Variants in PTPRM observed in about 807,000 individuals in gnomAD.
The protein encoded by PTPRM is receptor-type tyrosine-protein phosphatase mu.
A neutral mutation model predicts 186.7 loss-of-function variants in PTPRM; 47 were observed. That is an observed-to-expected ratio of 0.25 (90% CI 0.20 to 0.32). The LOEUF (loss-of-function observed/expected upper bound fraction) is 0.32. Ranked by LOEUF, PTPRM falls within the 10% of genes least tolerant of loss-of-function variation. The pLI, the probability that PTPRM is intolerant of heterozygous loss-of-function variation, is 1.00. For missense variants in PTPRM, 1,494 were observed against 1,865.0 expected (o/e 0.80, Z 3.66); for synonymous variants, 668 against 674.9 (o/e 0.99, Z 0.16).
chr18:7,974,135 A>T (rs2054772624), intron 7 of PTPRM, among the ~76,000 whole-genome samples: 1 of 152,188 alleles, frequency 6.6e-6, no homozygotes, highest in Non-Finnish European at 1.5e-5. Context: ...CAGGGAAACC[A>T]GCTAAAAAGG....
rs191409252 is a variant in PTPRM, at chr18:7,737,143, T to A, written c.74-37006T>A. On this transcript the variant is annotated intron_variant, in intron 1 of 32. Coordinates refer to ENST00000580170, the MANE Select transcript of PTPRM (RefSeq NM_001105244.2). ...TTATTTTATTTTATTTTTTATTTTT[T>A]TGGAGACAGAGTCACACTCTGTCAT... 3.5e-3 allele frequency among the ~76,000 whole-genome samples: 536 copies of A among 151,624 alleles called. 2 individuals carry two copies. Among genetic ancestry groups the A allele is most frequent in the African/African-American group, 0.012 (497 of 41,328 alleles).
chr18:8,002,927 C>T (rs2083953250), intron 7 of PTPRM, among the ~76,000 whole-genome samples: 2 of 151,858 alleles, frequency 1.3e-5, no homozygotes, highest in Non-Finnish European at 2.9e-5. Context: ...TTTTTTAATT[C>T]CAAATGTTTC....
Position 8,303,138 on chromosome 18 carries a change from C to T in PTPRM, c.2842+6683C>T, listed in dbSNP as rs571849101. Reference sequence around the variant, plus strand: ...CAGCTAAAGGGGCTTTAATAATGGGCGGTCCTGAGACAGAACTGCTCAGCG... The same window carrying T: ...CAGCTAAAGGGGCTTTAATAATGGGTGGTCCTGAGACAGAACTGCTCAGCG... On this transcript the variant is annotated intron_variant, in intron 20 of 32. Transcript: ENST00000580170. 8.5e-4 allele frequency among the ~76,000 whole-genome samples: 129 copies of T among 151,918 alleles called. 1 individual carries two copies. The highest frequency in any genetic ancestry group is 2.9e-3 in the African/African-American group (119 of 41,416).
chr18:8,042,039 TAAAC>T (rs976042471), intron 7 of PTPRM, among the ~76,000 whole-genome samples: 7 of 152,232 alleles, frequency 4.6e-5, no homozygotes, highest in East Asian at 1.9e-4. Context: ...TATGTCATCT[TAAAC>T]AAGCAGCTAA....
At chr18:7,733,924 G>A (rs2040714274) in intron 1 of PTPRM, among the ~76,000 whole-genome samples, 1 of 152,168 alleles carries the variant, frequency 6.6e-6, no homozygotes, top group East Asian at 1.9e-4. Context: ...ACCCTTGTGG[G>A]GCAGGTTGGA....
chr18:7,792,502 C>T (rs16952542), intron 2 of PTPRM, among the ~76,000 whole-genome samples: 1,790 of 152,202 alleles, frequency 0.012, 41 homozygotes, highest in African/African-American at 0.041. Context: ...TTAACTTCCC[C>T]GGGCTCATAC....
intron 2 of PTPRM, among the ~76,000 whole-genome samples, chr18:7,792,172 A>G (rs532649415): frequency 2.6e-5 from 4 of 152,362 alleles, no homozygotes; most frequent in Non-Finnish European, 4.4e-5. Flanking sequence ...GAGCTTCTTA[A>G]TAAACCAAAA....
intron 23 of PTPRM, among the ~76,000 whole-genome samples, chr18:8,364,686 G>T (rs2095617641): frequency 1.3e-5 from 2 of 152,074 alleles, no homozygotes; most frequent in Admixed American, 1.3e-4. Context: ...TACTCGGTTT[G>T]GATATCTCTT....
chr18:8,315,715 T>A (rs950132661), intron 21 of PTPRM, among the ~76,000 whole-genome samples: 1 of 152,226 alleles, frequency 6.6e-6, no homozygotes, highest in South Asian at 2.1e-4. Context: ...TGCTTCTTGA[T>A]TGAATATTAC....
At chr18:8,261,651 T>A (rs148853804) in intron 19 of PTPRM, among the ~76,000 whole-genome samples, 8 of 152,326 alleles carry the variant, frequency 5.3e-5, no homozygotes, top group African/African-American at 1.9e-4. Flanking sequence ...CATCAGCTAA[T>A]TTTTTATACA....
intron 1 of PTPRM, among the ~76,000 whole-genome samples, chr18:7,640,379 T>C (rs1459904424): frequency 6.6e-6 from 1 of 152,198 alleles, no homozygotes; most frequent in African/African-American, 2.4e-5. Flanking sequence ...ACTGCAATTT[T>C]GTGATAATGA....
Position 8,248,362 on chromosome 18 carries a change from A to T in PTPRM, c.2554+186A>T, listed in dbSNP as rs565890738. 3.0e-5 allele frequency: 21 copies of T among 697,758 alleles called. No individual in the cohort carries two copies. The South Asian group carries it at 3.1e-4, about 10-fold the overall frequency. The allele number at this position is 697,758 out of a possible 1,614,324, so 43.2% of individuals were successfully genotyped here. ...GACTTTTCTCTAAACAGTCGCCATT[A>T]ATAAGAGGGGTTTGCTGCATGTATC... On this transcript the variant is annotated intron_variant, in intron 17 of 32. Coordinates refer to ENST00000580170, the MANE Select transcript of PTPRM (RefSeq NM_001105244.2).
At chr18:7,698,716 A>C (rs2039895284) in intron 1 of PTPRM, among the ~76,000 whole-genome samples, 1 of 152,220 alleles carries the variant, frequency 6.6e-6, no homozygotes, top group Non-Finnish European at 1.5e-5. Flanking sequence ...TACTCCCTCA[A>C]CAGTGTAAGA....
At chr18:7,600,793 G>GTGT (rs1378856926) in intron 1 of PTPRM, among the ~76,000 whole-genome samples, 1 of 152,294 alleles carries the variant, frequency 6.6e-6, no homozygotes, top group Non-Finnish European at 1.5e-5. Context: ...CCAGGCTGTG[G>GTGT]CCCAAGAGGT....
At chr18:8,107,859 G>A (rs2091592512) in intron 11 of PTPRM, among the ~76,000 whole-genome samples, 1 of 152,184 alleles carries the variant, frequency 6.6e-6, no homozygotes, top group African/African-American at 2.4e-5. Flanking sequence ...GTTACTCTCA[G>A]TGTTACCTGA....
chr18:7,666,191 C>A (rs1215935686), intron 1 of PTPRM, among the ~76,000 whole-genome samples: 1 of 152,080 alleles, frequency 6.6e-6, no homozygotes, highest in Non-Finnish European at 1.5e-5. Flanking sequence ...GAAGATTTTC[C>A]CCTTTAATCT....
At chr18:7,907,429 C>T (rs1382770750) in intron 4 of PTPRM, among the ~76,000 whole-genome samples, 6 of 152,170 alleles carry the variant, frequency 3.9e-5, no homozygotes, top group South Asian at 2.1e-4. Context: ...AGTGAGGCTA[C>T]GCAAGCAGCC....
chr18:7,705,397 TTCTTTC>T (rs138254520), intron 1 of PTPRM, among the ~76,000 whole-genome samples: 9,833 of 151,788 alleles, frequency 0.065, 839 homozygotes, highest in African/African-American at 0.19. Context: ...GCCTCTCTCT[TTCTTTC>T]TCTTTCAAAG....
chr18:7,838,430 T>C (rs186261823), intron 2 of PTPRM, among the ~76,000 whole-genome samples: 1 of 152,324 alleles, frequency 6.6e-6, no homozygotes, highest in East Asian at 1.9e-4. Flanking sequence ...GGTACCACTT[T>C]AGTGGTCTTG....
Sources: gnomAD v4.1 joint callset for allele counts (sites outside exome capture counted in the v4.1 genomes callset) on GRCh38, gnomAD v4.1.1 for gene constraint, MANE v1.5 for transcripts, NCBI Gene and HGNC (gene_info 2026-07-23, HGNC 2026-07-21) for gene names.